The following RPSA2 variants were observed in gnomAD, a reference collection of about 807,000 sequenced individuals.
RPSA2 encodes small ribosomal subunit protein uS2B.
At chr19:23,831,090 A>G in the RPSA2 span, among the ~76,000 whole-genome samples, 1 of 151,596 alleles carries the variant, frequency 6.6e-6, no homozygotes, top group Non-Finnish European at 1.5e-5. Flanking sequence ...TACTGCTGTC[A>G]GTCTGCTGCT....
the RPSA2 span, among the ~76,000 whole-genome samples, chr19:23,865,758 C>T: frequency 6.6e-6 from 1 of 152,156 alleles, no homozygotes; most frequent in African/African-American, 2.4e-5. Flanking sequence ...TTATGCTTTT[C>T]CTATTACCAT....
chr19:23,857,992 G>C, the RPSA2 span, among the ~76,000 whole-genome samples: 31 of 151,864 alleles, frequency 2.0e-4, no homozygotes, highest in Non-Finnish European at 4.3e-4. Flanking sequence ...ACTGGAGAAA[G>C]CTTTTTTTTA....
chr19:23,786,866 T>C, the RPSA2 span, among the ~76,000 whole-genome samples: 42 of 152,244 alleles, frequency 2.8e-4, no homozygotes, highest in East Asian at 7.7e-3. Flanking sequence ...GGGGACATTG[T>C]GACATGTCTC....
At chr19:23,860,359 T>A in the RPSA2 span, among the ~76,000 whole-genome samples, 1 of 152,206 alleles carries the variant, frequency 6.6e-6, no homozygotes, top group Non-Finnish European at 1.5e-5. Context: ...TAAACTGCTT[T>A]TTTTGGTTTA....
the RPSA2 span, among the ~76,000 whole-genome samples, chr19:23,847,308 G>T: frequency 1.3e-5 from 2 of 150,658 alleles, no homozygotes; most frequent in South Asian, 2.1e-4. Flanking sequence ...GATTTCTCTT[G>T]CATCTCTTTG....
the RPSA2 span, among the ~76,000 whole-genome samples, chr19:23,869,932 C>T: frequency 6.6e-6 from 1 of 152,196 alleles, no homozygotes; most frequent in Non-Finnish European, 1.5e-5. Context: ...GGACCAGCTC[C>T]AGGTAAGCAA....
chr19:23,853,417 A>C, the RPSA2 span, among the ~76,000 whole-genome samples: 2 of 152,214 alleles, frequency 1.3e-5, no homozygotes, highest in African/African-American at 4.8e-5. Flanking sequence ...CCACATGTCC[A>C]AGTTGTAACT....
chr19:23,856,054 A>G, the RPSA2 span, among the ~76,000 whole-genome samples: 3 of 152,074 alleles, frequency 2.0e-5, no homozygotes, highest in East Asian at 1.9e-4. Flanking sequence ...TGAATCCTCA[A>G]CATCATCAGG....
chr19:23,800,265 A>G, the RPSA2 span, among the ~76,000 whole-genome samples: 1 of 151,496 alleles, frequency 6.6e-6, no homozygotes, highest in African/African-American at 2.4e-5. Context: ...GATGGTCTCT[A>G]TCTCCTGATT....
the RPSA2 span, among the ~76,000 whole-genome samples, chr19:23,774,421 A>G: frequency 1.3e-5 from 2 of 152,136 alleles, no homozygotes; most frequent in Admixed American, 6.5e-5. Context: ...AACAAATGTG[A>G]TTCTTCTTCC....
chr19:23,796,433 T>TA, the RPSA2 span, among the ~76,000 whole-genome samples: 1,394 of 151,854 alleles, frequency 9.2e-3, 11 homozygotes, highest in Middle Eastern at 0.014. Flanking sequence ...TTTTTTTTTT[T>TA]AATCTCAGCC....
chr19:23,761,901 A>ATCCTTCC, the RPSA2 span, among the ~76,000 whole-genome samples: 2 of 34,016 alleles, frequency 5.9e-5, no homozygotes, highest in Non-Finnish European at 1.3e-4. Context: ...GGGTAACGTA[A>ATCCTTCC]TTCTTTCTTT....
At chr19:23,783,589 G>A in the RPSA2 span, among the ~76,000 whole-genome samples, 1 of 151,544 alleles carries the variant, frequency 6.6e-6, no homozygotes, top group South Asian at 2.1e-4. Flanking sequence ...AAGCACCTAG[G>A]TGATATGACT....
At chr19:23,859,788 G>T in the RPSA2 span, among the ~76,000 whole-genome samples, 11 of 152,052 alleles carry the variant, frequency 7.2e-5, no homozygotes, top group Admixed American at 3.3e-4. Context: ...CAGTGTCCAG[G>T]TTCAATATTT....
chr19:23,770,297 G>A, the RPSA2 span, among the ~76,000 whole-genome samples: 116 of 152,226 alleles, frequency 7.6e-4, no homozygotes, highest in Non-Finnish European at 1.6e-4. Context: ...CACCACCTAC[G>A]TGTTATGACT....
At chr19:23,871,067 C>T in the RPSA2 span, among the ~76,000 whole-genome samples, 3 of 152,278 alleles carry the variant, frequency 2.0e-5, no homozygotes, top group South Asian at 6.2e-4. Flanking sequence ...GCCCCTTCTC[C>T]CTATCTCCTT....
chr19:23,792,535 C>T, the RPSA2 span, among the ~76,000 whole-genome samples: 1 of 150,886 alleles, frequency 6.6e-6, no homozygotes, highest in Non-Finnish European at 1.5e-5. Context: ...AATTGAATTT[C>T]GAAGGAGTAT....
the RPSA2 span, among the ~76,000 whole-genome samples, chr19:23,845,207 AC>A: frequency 1.1e-5 from 1 of 95,120 alleles, no homozygotes; most frequent in Non-Finnish European, 2.2e-5. Context: ...TGAAAAAGCA[AC>A]TTTTTATTCT....
chr19:23,766,142 C>CTTTTTTTTTT, the RPSA2 span, among the ~76,000 whole-genome samples: 146 of 43,278 alleles, frequency 3.4e-3, 56 homozygotes, highest in African/African-American at 9.3e-3. Context: ...TATTTCATTT[C>CTTTTTTTTTT]CTTTTTTTTT....
Sources: gnomAD v4.1 joint callset for allele counts (sites outside exome capture counted in the v4.1 genomes callset) on GRCh38, gnomAD v4.1.1 for gene constraint, MANE v1.5 for transcripts, NCBI Gene and HGNC (gene_info 2026-07-23, HGNC 2026-07-21) for gene names.